The following PCDH7 variants were observed in gnomAD, a reference collection of about 807,000 sequenced individuals.
The protein encoded by PCDH7 is protocadherin-7.
Under a neutral mutation model 58.9 loss-of-function variants are expected in PCDH7, and 17 were observed. The observed-to-expected ratio is 0.29, with a 90% CI of 0.20 to 0.43. The LOEUF (loss-of-function observed/expected upper bound fraction) is 0.43. PCDH7 is among the 20% of genes least tolerant of loss of function. The pLI is 1.00. For synonymous variants in PCDH7, 664 were observed against 616.4 expected, an observed-to-expected ratio of 1.08 and a Z score of -1.14; for missense variants, 1,274 against 1,441.0, an observed-to-expected ratio of 0.88 and a Z score of 1.88.
At chr4:31,009,252 T>G (rs996049397) in intron 3 of PCDH7, among the ~76,000 whole-genome samples, 2 of 152,084 alleles carry the variant, frequency 1.3e-5, no homozygotes, top group Non-Finnish European at 2.9e-5. Flanking sequence ...AGGACAGTAT[T>G]TCTTTTAGGT....
At chr4:30,784,893 A>G (rs955752985) in intron 1 of PCDH7, among the ~76,000 whole-genome samples, 1 of 152,084 alleles carries the variant, frequency 6.6e-6, no homozygotes, top group Non-Finnish European at 1.5e-5. Flanking sequence ...ATAGAAAGTC[A>G]AAGATAACCT....
intron 1 of PCDH7, among the ~76,000 whole-genome samples, chr4:30,798,112 T>C (rs1725030643): frequency 6.6e-6 from 1 of 152,308 alleles, no homozygotes; most frequent in South Asian, 2.1e-4. Flanking sequence ...GACAAGTTGG[T>C]GTCCAGGCAG....
At chr4:30,891,251 T>C (rs1738567041) in intron 1 of PCDH7, among the ~76,000 whole-genome samples, 1 of 152,096 alleles carries the variant, frequency 6.6e-6, no homozygotes, top group African/African-American at 2.4e-5. Flanking sequence ...GAGAATACAT[T>C]GGTCACATTT....
chr4:31,085,607 A>G (rs1022915910), intron 3 of PCDH7, among the ~76,000 whole-genome samples: 5 of 152,174 alleles, frequency 3.3e-5, no homozygotes, highest in Non-Finnish European at 7.3e-5. Context: ...TCACTGTCTC[A>G]GGCATAATTT....
At chr4:30,981,595 C>A (rs1213085215) in intron 3 of PCDH7, among the ~76,000 whole-genome samples, 1 of 152,112 alleles carries the variant, frequency 6.6e-6, no homozygotes, top group Non-Finnish European at 1.5e-5. Context: ...AGCTCATATT[C>A]TATCAGCGAA....
intron 1 of PCDH7, among the ~76,000 whole-genome samples, chr4:30,801,522 C>T (rs1725517789): frequency 6.6e-6 from 1 of 151,994 alleles, no homozygotes; most frequent in Non-Finnish European, 1.5e-5. Flanking sequence ...ATAATAATAT[C>T]AAAAGCAACA....
chr4:31,075,233 G>C (rs1185834872), intron 3 of PCDH7, among the ~76,000 whole-genome samples: 2 of 151,924 alleles, frequency 1.3e-5, no homozygotes, highest in African/African-American at 4.8e-5. Context: ...CTTTGCATTT[G>C]CCTGAAAGTG....
downstream of PCDH7, among the ~76,000 whole-genome samples, chr4:30,733,147 C>T (rs142623334): frequency 3.3e-3 from 499 of 152,266 alleles, 4 homozygotes; most frequent in Middle Eastern, 0.017. Context: ...ATGGAGGTGC[C>T]TGTGGACAAC....
chr4:30,902,048 GCAGAATAA>G (rs774479827), intron 1 of PCDH7, among the ~76,000 whole-genome samples: 7 of 152,148 alleles, frequency 4.6e-5, no homozygotes, highest in Non-Finnish European at 5.9e-5. Context: ...TCTATAAAAT[GCAGAATAA>G]CACGAGTAAT....
intron 1 of PCDH7, among the ~76,000 whole-genome samples, chr4:30,814,288 A>T (rs1321038903): frequency 2.0e-5 from 3 of 152,054 alleles, no homozygotes; most frequent in African/African-American, 7.2e-5. Context: ...AGCAAATAAC[A>T]TTAATCACAT....
intron 3 of PCDH7, 112 bp from the exon 3 acceptor site, chr4:31,142,361 G>A (rs1578909547): frequency 2.0e-6 from 2 of 1,008,916 alleles, no homozygotes; most frequent in East Asian, 5.1e-5. Context: ...GTTGGGAAAT[G>A]AGAAATAAGA....
At chr4:30,849,291 T>C (rs1732401296) in intron 1 of PCDH7, among the ~76,000 whole-genome samples, 1 of 152,112 alleles carries the variant, frequency 6.6e-6, no homozygotes, top group Non-Finnish European at 1.5e-5. Context: ...TGAGAAAACA[T>C]GTTAGCTCAA....
chr4:30,783,743 A>G (rs950968474), intron 1 of PCDH7, among the ~76,000 whole-genome samples: 4 of 152,152 alleles, frequency 2.6e-5, no homozygotes, highest in African/African-American at 9.7e-5. Context: ...AGCACTAGTT[A>G]CCTATTGTTG....
At chr4:30,733,464 T>A (rs189879164), downstream of PCDH7, among the ~76,000 whole-genome samples, 302 of 152,314 alleles carry the variant, frequency 2.0e-3, 1 homozygote, top group Admixed American at 3.7e-3. Context: ...AAATTTTATT[T>A]TATTTTTTTA....
At chr4:30,843,187 A>C (rs1057209458) in intron 1 of PCDH7, among the ~76,000 whole-genome samples, 2 of 151,480 alleles carry the variant, frequency 1.3e-5, no homozygotes, top group African/African-American at 4.9e-5. Flanking sequence ...CCATCTTTCG[A>C]ATATAGAACT....
intron 3 of PCDH7, among the ~76,000 whole-genome samples, chr4:31,102,427 T>C (rs988042182): frequency 6.6e-6 from 1 of 152,016 alleles, no homozygotes; most frequent in African/African-American, 2.4e-5. Context: ...CATTTGTAAA[T>C]AAAAAGTCTT....
intron 1 of PCDH7, among the ~76,000 whole-genome samples, chr4:30,877,759 A>C (rs2109367576): frequency 6.6e-6 from 1 of 152,314 alleles, no homozygotes; most frequent in Middle Eastern, 3.4e-3. Context: ...AGCTTTAGGC[A>C]GAATTTTCTG....
chr4:30,935,294 T>G (rs1745209449), intron 2 of PCDH7: 1 of 947,526 alleles, frequency 1.1e-6, no homozygotes, highest in Non-Finnish European at 1.3e-6. Context: ...AAATGCATGA[T>G]TATTTTCTTA....
intron 3 of PCDH7, among the ~76,000 whole-genome samples, chr4:31,124,693 G>A (rs1387759223): frequency 6.6e-6 from 1 of 152,142 alleles, no homozygotes; most frequent in Non-Finnish European, 1.5e-5. Context: ...CTTGATTAAT[G>A]TAGTAAGTCA....
Sources: gnomAD v4.1 joint callset for allele counts (sites outside exome capture counted in the v4.1 genomes callset) on GRCh38, gnomAD v4.1.1 for gene constraint, MANE v1.5 for transcripts, NCBI Gene and HGNC (gene_info 2026-07-23, HGNC 2026-07-21) for gene names.